The following TMED8 variants were observed in gnomAD, a reference collection of about 807,000 sequenced individuals.
TMED8 encodes protein TMED8.
A neutral mutation model predicts 32.7 loss-of-function variants in TMED8; 15 were observed. The ratio of observed to expected loss-of-function variants is 0.46; its 90% CI spans 0.31 to 0.71. The LOEUF (loss-of-function observed/expected upper bound fraction) is 0.71. TMED8 is among the 30% of genes least tolerant of loss of function. TMED8 has a pLI of 0.06. For synonymous variants in TMED8, 147 were observed against 161.4 expected (o/e 0.91, Z 0.68); for missense variants, 390 against 423.9 (o/e 0.92, Z 0.70).
At chr14:77,345,943 T>G (rs1176675227) in intron 3 of TMED8, among the ~76,000 whole-genome samples, 4 of 119,182 alleles carry the variant, frequency 3.4e-5, no homozygotes, top group African/African-American at 1.3e-4. Flanking sequence ...CACTCCAGCC[T>G]GGGCGACAGA....
intron 1 of TMED8, among the ~76,000 whole-genome samples, chr14:77,369,840 T>C (rs1893636579): frequency 6.6e-6 from 1 of 152,200 alleles, no homozygotes; most frequent in Non-Finnish European, 1.5e-5. Context: ...CCCATATCAA[T>C]CTGAATATAC....
intron 3 of TMED8, 120 bp from the exon 4 acceptor site, chr14:77,343,943 A>G: frequency 1.0e-6 from 1 of 1,000,290 alleles, no homozygotes; most frequent in Non-Finnish European, 1.4e-6. Context: ...TCAAAGCTTA[A>G]TGTACTAGTC....
intron 1 of TMED8, among the ~76,000 whole-genome samples, chr14:77,369,071 G>A (rs143299291): frequency 1.9e-3 from 282 of 152,048 alleles, no homozygotes; most frequent in African/African-American, 6.1e-3. Context: ...GATTTTTTGT[G>A]TATGATGTGT....
At chr14:77,347,902 G>GA (rs1380946797) in intron 2 of TMED8, among the ~76,000 whole-genome samples, 4 of 152,186 alleles carry the variant, frequency 2.6e-5, no homozygotes, top group African/African-American at 9.6e-5. Context: ...CCCTTCGGGG[G>GA]AGTCTATGAA....
chr14:77,367,695 CTTTT>C (rs769529439), intron 1 of TMED8, among the ~76,000 whole-genome samples: 3 of 144,872 alleles, frequency 2.1e-5, no homozygotes, highest in African/African-American at 7.6e-5. Flanking sequence ...AACTTTCTTT[CTTTT>C]TTTTTTTTTC....
chr14:77,341,463 T>G lies in TMED8; in HGVS notation c.*308A>C, dbSNP rs368695763. On this transcript the variant is annotated 3_prime_UTR_variant, in exon 6 of 6. Coordinates refer to ENST00000216468, the MANE Select transcript of TMED8 (RefSeq NM_213601.3). ...ATAAACCTGTGCCAAGATGAATCTATTTTTAAAAAACATCGCCCTGCTTCC... is the reference window on the plus strand; with the variant it reads ...ATAAACCTGTGCCAAGATGAATCTAGTTTTAAAAAACATCGCCCTGCTTCC... 1 of 380,388 alleles carries G rather than the reference T, an allele frequency of 2.6e-6. No homozygotes were observed. Among genetic ancestry groups the G allele is most frequent in the African/African-American group, 2.1e-5 (1 of 48,586 alleles). The allele number at this position is 380,388 out of a possible 1,614,324, so 23.6% of individuals were successfully genotyped here.
intron 1 of TMED8, among the ~76,000 whole-genome samples, chr14:77,363,739 C>T (rs1293870501): frequency 6.6e-6 from 1 of 151,230 alleles, no homozygotes; most frequent in Non-Finnish European, 1.5e-5. Flanking sequence ...CTAGGCTGTA[C>T]TCAAACTCCT....
chr14:77,343,414 A>G lies in TMED8; in HGVS notation c.524T>C (p.Leu175Pro), dbSNP rs370199713. Residue 175 changes from leucine (L) to proline (P), a missense_variant, in exon 5 of 6, where the codon CTG becomes CCG. Transcript: ENST00000216468. ...CAGACGGCTGTTCTTCTCTTTGCCC[A>G]GCTTGCTTTTGAATTCCTTCACCTT... ...FAKVKEFKSKLGKEKNSRLVV... is the reference protein window; with the variant it reads ...FAKVKEFKSKPGKEKNSRLVV... 3.7e-5 allele frequency: 59 copies of G among 1,613,846 alleles called. No homozygotes were observed. The highest frequency in any genetic ancestry group is 4.1e-5 in the Non-Finnish European group (48 of 1,179,904).
chr14:77,368,817 C>T (rs1352623419), intron 1 of TMED8, among the ~76,000 whole-genome samples: 1 of 152,152 alleles, frequency 6.6e-6, no homozygotes, highest in Non-Finnish European at 1.5e-5. Context: ...AACCTTTTGT[C>T]AGGTATATGT....
chr14:77,358,201 ACACG>A (rs1450481880), intron 1 of TMED8, among the ~76,000 whole-genome samples: 2 of 150,934 alleles, frequency 1.3e-5, no homozygotes, highest in Non-Finnish European at 3.0e-5. Flanking sequence ...ACACACACAC[ACACG>A]AATATATATA....
At chr14:77,355,298 G>A (rs1447984802) in intron 1 of TMED8, among the ~76,000 whole-genome samples, 1 of 151,282 alleles carries the variant, frequency 6.6e-6, no homozygotes, top group Admixed American at 6.6e-5. Context: ...GTGTTCAAGC[G>A]ATTCTCCTGC....
Position 77,375,420 on chromosome 14 carries a change from T to A in TMED8, c.118+1516A>T, listed in dbSNP as rs567205833. Among the ~76,000 whole-genome samples the A allele has an allele frequency of 5.9e-5, 9 of 152,300 alleles. 1 individual carries two copies. The highest frequency in any genetic ancestry group is 5.9e-4 in the Admixed American group (9 of 15,312). On this transcript the variant is annotated intron_variant, in intron 1 of 5. Coordinates refer to ENST00000216468, the MANE Select transcript of TMED8 (RefSeq NM_213601.3). ...AGAACCTAAAGGGGAAGTAAAAACA[T>A]GCTTAATTTGTAAATACTGGCGCAT...
rs1203619785 is a variant in TMED8, at chr14:77,343,485, T to C, written c.455-2A>G. On this transcript the variant is annotated splice_acceptor_variant, in intron 4 of 5. Coordinates refer to ENST00000216468, the MANE Select transcript of TMED8 (RefSeq NM_213601.3). LOFTEE classifies it high-confidence loss of function. The stretch of plus-strand genomic sequence containing the variant: ...GAGGAGCCATCAGAGGTGGGGAGAC[T>C]GAAAGGACAAGCAGCTTAGCACTGA... 3.1e-6 allele frequency: 5 copies of C among 1,612,962 alleles called. No individual in the cohort carries two copies. In the South Asian group the frequency reaches 4.4e-5, roughly 14 times the overall value.
chr14:77,344,933 G>A (rs1171316285), intron 3 of TMED8, among the ~76,000 whole-genome samples: 1 of 152,168 alleles, frequency 6.6e-6, no homozygotes. Flanking sequence ...CAACATATTA[G>A]CTACATAGCC....
Position 77,376,827 on chromosome 14 carries a change from G to C in TMED8, c.118+109C>G. ...CGCGCGCGAAGGGGCTGCCGAGGTGGGTCCGCTCCGCGGGGAAGCCCAGGA... is the reference window on the plus strand; with the variant it reads ...CGCGCGCGAAGGGGCTGCCGAGGTGCGTCCGCTCCGCGGGGAAGCCCAGGA... On this transcript the variant is annotated intron_variant, in intron 1 of 5. Coordinates refer to ENST00000216468, the MANE Select transcript of TMED8 (RefSeq NM_213601.3). The surrounding 1 kb of genome is among the most constrained non-coding windows in gnomAD (Gnocchi z 4.0). 1 of 613,068 alleles carries C rather than the reference G, an allele frequency of 1.6e-6. No homozygotes were observed. The highest frequency in any genetic ancestry group is 5.7e-5 in the South Asian group (1 of 17,562). 38.0% of individuals were successfully genotyped at this position (613,068 alleles called of 1,614,324 possible). A position where few individuals can be genotyped will look rare whatever the true frequency, so the allele number is the denominator to read the frequency against.
chr14:77,342,563 C>G (rs539301529), intron 5 of TMED8, among the ~76,000 whole-genome samples: 3 of 152,224 alleles, frequency 2.0e-5, no homozygotes, highest in South Asian at 4.1e-4. Flanking sequence ...ATAAGAAAAT[C>G]AAGGAATAAG....
chr14:77,375,410 A>C (rs932267791), intron 1 of TMED8, among the ~76,000 whole-genome samples: 24 of 152,212 alleles, frequency 1.6e-4, no homozygotes, highest in Admixed American at 1.6e-3. Flanking sequence ...CTAAAGGGGA[A>C]GTAAAAACAT....
intron 3 of TMED8, among the ~76,000 whole-genome samples, chr14:77,345,211 C>A (rs1594840338): frequency 6.6e-6 from 1 of 152,128 alleles, no homozygotes; most frequent in Non-Finnish European, 1.5e-5. Flanking sequence ...GGTCTCGAAC[C>A]CCTGACCTCA....
chr14:77,336,912 G>A lies in TMED8; in HGVS notation c.*4859C>T, dbSNP rs1189339236. 1.3e-5 allele frequency: 2 copies of A among 152,146 alleles called. No homozygotes were observed. Among genetic ancestry groups the A allele is most frequent in the Non-Finnish European group, 2.9e-5 (2 of 68,034 alleles). 9.4% of individuals were successfully genotyped at this position (152,146 alleles called of 1,614,324 possible). On this transcript the variant is annotated 3_prime_UTR_variant, in exon 6 of 6. Coordinates refer to ENST00000216468, the MANE Select transcript of TMED8 (RefSeq NM_213601.3). ...CAACTAATTCTCTCAAAGAGGGACT[G>A]AGCAGGACTCATAAACATAAACTCA...
Sources: gnomAD v4.1 joint callset for allele counts (sites outside exome capture counted in the v4.1 genomes callset) on GRCh38, gnomAD v4.1.1 for gene constraint, Gnocchi (gnomAD v3.1) non-coding constraint, MANE v1.5 for transcripts, NCBI Gene and HGNC (gene_info 2026-07-23, HGNC 2026-07-21) for gene names.